Variants in ASF1B observed in about 807,000 individuals in gnomAD.
ASF1B encodes the protein anti-silencing function 1B histone chaperone, also known as histone chaperone ASF1B.
In ASF1B, 10 loss-of-function variants were observed where a neutral mutation model predicts 16.6. The observed-to-expected ratio is 0.60, with a 90% confidence interval of 0.37 to 1.02. The LOEUF is 1.02. Among genes scored for constraint, ASF1B ranks in the 50% least tolerant of loss-of-function variants. The pLI is 0.01. For synonymous variants in ASF1B, 101 were observed against 106.2 expected, an observed-to-expected ratio of 0.95 and a Z score of 0.30; for missense variants, 240 against 266.0, an observed-to-expected ratio of 0.90 and a Z score of 0.68.
intron 2 of ASF1B, among the ~76,000 whole-genome samples, chr19:14,122,059 T>C (rs997874568): frequency 6.6e-6 from 1 of 151,698 alleles, no homozygotes; most frequent in African/African-American, 2.4e-5. Flanking sequence ...GCCTCCCGAG[T>C]AGCTGGGATT....
At position 14,136,490 on chromosome 19, in the gene ASF1B, G is replaced by A. The variant is rs1247120705; in HGVS notation, c.-34C>T. On this transcript the variant is annotated 5_prime_UTR_variant, in exon 1 of 4. Coordinates refer to ENST00000263382, the MANE Select transcript of ASF1B (RefSeq NM_018154.3). ...CTCGCCGCGCCGCAGCAGGGGCAGG[G>A]GCTGTGGCTGTGGCGGAGGCCGCGC... 1.3e-6 allele frequency: 2 copies of A among 1,593,346 alleles called. No individual in the cohort carries two copies. Among genetic ancestry groups the A allele is most frequent in the East Asian group, 2.2e-5 (1 of 44,564 alleles).
Position 14,126,236 on chromosome 19 carries a change from G to C in ASF1B, c.111C>G (p.Asp37Glu). 1 of 1,609,262 alleles carries C rather than the reference G, an allele frequency of 6.2e-7. No homozygotes were observed. The highest frequency in any genetic ancestry group is 8.5e-7 in the Non-Finnish European group (1 of 1,177,790). Residue 37 changes from aspartate (D) to glutamate (E), a missense_variant and splice_region_variant, in exon 2 of 4, where the codon GAC becomes GAG. Transcript: ENST00000263382. ...CAACATAAATGATCTTCCACTCCAG[G>C]TCTGCAAAGATATAGGAGGGTTAAC... ...SFECSEALAD[D>E]LEWKIIYVGS...
intron 2 of ASF1B, among the ~76,000 whole-genome samples, chr19:14,124,431 C>A (rs555886867): frequency 1.3e-5 from 2 of 152,140 alleles, no homozygotes; most frequent in Admixed American, 1.3e-4. Flanking sequence ...CTGGAAGCCA[C>A]CACACCCGGC....
In ASF1B at chr19:14,136,580, A is replaced by C. The variant is rs1967508723; in HGVS notation, c.-124T>G. 2 of 719,762 alleles carry C rather than the reference A, an allele frequency of 2.8e-6. No homozygotes were observed. The highest frequency in any genetic ancestry group is 2.2e-6 in the Non-Finnish European group (1 of 447,534). 44.6% of individuals were successfully genotyped at this position (719,762 alleles called of 1,614,324 possible). A position where few individuals can be genotyped will look rare whatever the true frequency, so the allele number is the denominator to read the frequency against. ...CCACTCCCGCCTCTTCTCTCCGAGA[A>C]CTGAAGTGCGCACCTAGTCCGCGCG... On this transcript the variant is annotated 5_prime_UTR_variant, in exon 1 of 4. Coordinates refer to ENST00000263382, the MANE Select transcript of ASF1B (RefSeq NM_018154.3).
In ASF1B at chr19:14,136,587, T is replaced by C. The variant is rs920273741; in HGVS notation, c.-131A>G. ...CGCCTCTTCTCTCCGAGAACTGAAGTGCGCACCTAGTCCGCGCGCCGCCTT... is the reference window on the plus strand; with the variant it reads ...CGCCTCTTCTCTCCGAGAACTGAAGCGCGCACCTAGTCCGCGCGCCGCCTT... On this transcript the variant is annotated 5_prime_UTR_variant, in exon 1 of 4. Transcript: ENST00000263382. 3 of 671,664 alleles carry C rather than the reference T, an allele frequency of 4.5e-6. No homozygotes were observed. The highest frequency in any genetic ancestry group is 3.0e-5 in the Admixed American group (1 of 33,392). The allele number at this position is 671,664 out of a possible 1,614,324, so 41.6% of individuals were successfully genotyped here.
chr19:14,125,554 T>C (rs548300304), intron 2 of ASF1B, among the ~76,000 whole-genome samples: 10 of 152,290 alleles, frequency 6.6e-5, no homozygotes, highest in African/African-American at 2.2e-4. Context: ...AACTTTTAAA[T>C]TGTTTTAATT....
At chr19:14,126,575 G>A (rs753344205) in intron 1 of ASF1B, among the ~76,000 whole-genome samples, 11 of 152,044 alleles carry the variant, frequency 7.2e-5, no homozygotes, top group Non-Finnish European at 1.0e-4. Context: ...AGGTTCAAGC[G>A]ATTCTCCTGT....
At chr19:14,123,440 C>T (rs987141815) in intron 2 of ASF1B, among the ~76,000 whole-genome samples, 2 of 134,744 alleles carry the variant, frequency 1.5e-5, no homozygotes, top group South Asian at 2.3e-4. Context: ...AGTGCAGTGG[C>T]GTGATCTCGG....
chr19:14,123,826 T>C (rs552060355), intron 2 of ASF1B, among the ~76,000 whole-genome samples: 4 of 150,792 alleles, frequency 2.7e-5, no homozygotes, highest in Non-Finnish European at 5.9e-5. Flanking sequence ...GGTCTCACTC[T>C]GTTGCCCAGG....
intron 2 of ASF1B, among the ~76,000 whole-genome samples, chr19:14,125,730 T>C (rs2144512423): frequency 6.6e-6 from 1 of 152,246 alleles, no homozygotes; most frequent in Non-Finnish European, 1.5e-5. Context: ...TTTTTACATT[T>C]TTTGTAGAGA....
At chr19:14,125,756 T>C (rs1967308245) in intron 2 of ASF1B, among the ~76,000 whole-genome samples, 1 of 152,192 alleles carries the variant, frequency 6.6e-6, no homozygotes, top group African/African-American at 2.4e-5. Context: ...TCTCACTATA[T>C]TGCCCCAGCT....
Position 14,120,358 on chromosome 19 carries a change from G to A in ASF1B, c.*101C>T. On this transcript the variant is annotated 3_prime_UTR_variant, in exon 4 of 4. Transcript: ENST00000263382. ...GGGCTGAGTTTGACAGACCTGGATTGCAGCTGATGGCCCCCAAAGTCCTCT... is the reference window on the plus strand; with the variant it reads ...GGGCTGAGTTTGACAGACCTGGATTACAGCTGATGGCCCCCAAAGTCCTCT... 8.6e-7 allele frequency: 1 copy of A among 1,169,396 alleles called. No homozygotes were observed. The highest frequency in any genetic ancestry group is 1.2e-6 in the Non-Finnish European group (1 of 819,718). The allele number at this position is 1,169,396 out of a possible 1,614,324, so 72.4% of individuals were successfully genotyped here.
At position 14,119,859 on chromosome 19, in the gene ASF1B, A is replaced by G. The variant is rs1274375720; in HGVS notation, c.*600T>C. 6.6e-6 allele frequency: 1 copy of G among 152,494 alleles called. No homozygotes were observed. The highest frequency in any genetic ancestry group is 1.5e-5 in the Non-Finnish European group (1 of 68,124). 9.4% of individuals were successfully genotyped at this position (152,494 alleles called of 1,614,324 possible). A position where few individuals can be genotyped will look rare whatever the true frequency, so the allele number is the denominator to read the frequency against. ...AGGAGATAACAGGAAGGTGGCTGTG[A>G]TTGACAGGAAAGGCAACATGGTTCC... On this transcript the variant is annotated 3_prime_UTR_variant, in exon 4 of 4. Transcript: ENST00000263382.
intron 1 of ASF1B, among the ~76,000 whole-genome samples, chr19:14,127,606 C>CA (rs540882994): frequency 6.6e-6 from 1 of 152,000 alleles, no homozygotes; most frequent in East Asian, 1.9e-4. Flanking sequence ...TTGGGCAACT[C>CA]AGTCAACAAA....
chr19:14,121,661 AC>A lies in ASF1B; in HGVS notation c.272del (p.Gly91ValfsTer2). On this transcript the variant is annotated frameshift_variant, in exon 3 of 4. Transcript: ENST00000263382. LOFTEE classifies it high-confidence loss of function. ...PSLIPETDAVGVTVVLITCTY... is the reference protein window; with the variant it reads ...PSLIPETDAVXVTVVLITCTY... ...TGCAGGTGATGAGGACCACAGTCAC[AC>A]CCACGGCATCAGTCTCTGGGATGAG... 6.2e-7 allele frequency: 1 copy of A among 1,613,860 alleles called. No homozygotes were observed. The highest frequency in any genetic ancestry group is 8.5e-7 in the Non-Finnish European group (1 of 1,179,944).
chr19:14,128,009 G>A (rs1967344308), intron 1 of ASF1B, among the ~76,000 whole-genome samples: 2 of 152,192 alleles, frequency 1.3e-5, no homozygotes, highest in South Asian at 4.1e-4. Context: ...TGAGATGAAA[G>A]GAAAGTGCTT....
rs775335419 is a variant in ASF1B at position 14,136,428 on chromosome 19, G to A, written c.29C>T (p.Ala10Val). 1.9e-6 allele frequency: 3 copies of A among 1,613,606 alleles called. No individual in the cohort carries two copies. Among genetic ancestry groups the A allele is most frequent in the South Asian group, 2.2e-5 (2 of 91,070 alleles). The change falls in exon 1 of 4, where the codon GCG becomes GTG. Residue 10 changes from alanine (A) to valine (V), a missense_variant. Ala to Val is a moderately conservative substitution (Grantham distance 64). Transcript: ENST00000263382. Reference sequence around the variant, plus strand: ...GAAAGGGCTCGGGTTCTCCAGGACCGCCACGTTCAGCACCGACACCTTGGC... The same window carrying A: ...GAAAGGGCTCGGGTTCTCCAGGACCACCACGTTCAGCACCGACACCTTGGC... MAKVSVLNV[A>V]VLENPSPFHS...
Position 14,126,225 on chromosome 19 carries a change from T to C in ASF1B, c.122A>G (p.Lys41Arg). 1 of 1,612,430 alleles carries C rather than the reference T, an allele frequency of 6.2e-7. No homozygotes were observed. The highest frequency in any genetic ancestry group is 8.5e-7 in the Non-Finnish European group (1 of 1,179,710). ...SEALADDLEW[K>R]IIYVGSAESE... Reference sequence around the variant, plus strand: ...CTCAGCCGAGCCAACATAAATGATCTTCCACTCCAGGTCTGCAAAGATATA... The same window carrying C: ...CTCAGCCGAGCCAACATAAATGATCCTCCACTCCAGGTCTGCAAAGATATA... The change falls in exon 2 of 4, where the codon AAG becomes AGG. Residue 41 changes from lysine to arginine, a missense_variant. Coordinates refer to ENST00000263382, the MANE Select transcript of ASF1B (RefSeq NM_018154.3).
intron 1 of ASF1B, among the ~76,000 whole-genome samples, chr19:14,128,970 C>T (rs1599358857): frequency 6.6e-6 from 1 of 152,236 alleles, no homozygotes; most frequent in South Asian, 2.1e-4. Flanking sequence ...TAAAGTGTAC[C>T]CACGAGCACC....
Sources: gnomAD v4.1 joint callset for allele counts (sites outside exome capture counted in the v4.1 genomes callset) on GRCh38, gnomAD v4.1.1 for gene constraint, MANE v1.5 for transcripts, NCBI Gene and HGNC (gene_info 2026-07-23, HGNC 2026-07-21) for gene names.